CALN1: variants seen among roughly 807,000 people sequenced by gnomAD.
CALN1 encodes calneuron 1.
A neutral mutation model predicts 30.6 loss-of-function variants in CALN1; 17 were observed. The observed-to-expected ratio is 0.56, with a 90% CI of 0.38 to 0.83. The LOEUF (loss-of-function observed/expected upper bound fraction) is 0.83, where lower values mean the gene tolerates loss of function less well. CALN1 is among the 40% of genes least tolerant of loss of function. The pLI is 0.00. For missense variants in CALN1, 291 were observed against 354.9 expected (o/e 0.82, Z 1.45); for synonymous variants, 156 against 131.4 (o/e 1.19, Z -1.28).
intron 5 of CALN1, among the ~76,000 whole-genome samples, chr7:71,847,776 G>A (rs991529216): frequency 2.4e-4 from 16 of 66,958 alleles, no homozygotes; most frequent in East Asian, 1.8e-3. Context: ...GAAGAAGAAA[G>A]AAGAAGAAGA....
chr7:72,145,238 A>C (rs867251947), intron 3 of CALN1, among the ~76,000 whole-genome samples: 70 of 152,308 alleles, frequency 4.6e-4, no homozygotes, highest in African/African-American at 1.6e-3. Context: ...ACTAATAAAG[A>C]AGCAAAGAGA....
At chr7:72,461,596 G>A in the CALN1 span, among the ~76,000 whole-genome samples, 189 of 152,320 alleles carry the variant, frequency 1.2e-3, 1 homozygote, top group African/African-American at 4.3e-3. Flanking sequence ...ATAAGTAGAA[G>A]TTAAACAGTG....
intron 5 of CALN1, among the ~76,000 whole-genome samples, chr7:72,009,796 A>C (rs1401923851): frequency 6.6e-6 from 1 of 152,178 alleles, no homozygotes; most frequent in Non-Finnish European, 1.5e-5. Flanking sequence ...ACCATGTAAG[A>C]CATGCCTTTC....
At chr7:72,472,767 G>A in the CALN1 span, among the ~76,000 whole-genome samples, 1 of 152,108 alleles carries the variant, frequency 6.6e-6, no homozygotes, top group African/African-American at 2.4e-5. Flanking sequence ...GAGCGACAGA[G>A]GGAGAGAGAC....
At chr7:72,449,189 G>A (rs1808607857), upstream of CALN1, among the ~76,000 whole-genome samples, 1 of 152,204 alleles carries the variant, frequency 6.6e-6, no homozygotes, top group Non-Finnish European at 1.5e-5. Context: ...GGAAAGGAAG[G>A]AAGGGGATAT....
At chr7:72,206,793 T>C (rs1005373320) in intron 3 of CALN1, among the ~76,000 whole-genome samples, 6 of 152,186 alleles carry the variant, frequency 3.9e-5, no homozygotes, top group Non-Finnish European at 7.3e-5. Flanking sequence ...ATATTGAAGA[T>C]ATGGTTTTTC....
chr7:72,306,868 C>G (rs1303476882), intron 2 of CALN1, among the ~76,000 whole-genome samples: 1 of 152,168 alleles, frequency 6.6e-6, no homozygotes, highest in Non-Finnish European at 1.5e-5. Context: ...ATGGTCACTC[C>G]TATTTGGCTC....
intron 5 of CALN1, among the ~76,000 whole-genome samples, chr7:71,965,300 A>G (rs1190768726): frequency 6.6e-6 from 1 of 152,144 alleles, no homozygotes; most frequent in Non-Finnish European, 1.5e-5. Context: ...CAAAGTACTA[A>G]GATGACAGGT....
intron 2 of CALN1, among the ~76,000 whole-genome samples, chr7:72,286,623 C>A (rs1397957690): frequency 6.6e-6 from 1 of 152,232 alleles, no homozygotes; most frequent in African/African-American, 2.4e-5. Flanking sequence ...GCCAGCTAGA[C>A]CCTGGACATT....
At chr7:72,409,309 T>A (rs991005043) in intron 1 of CALN1, among the ~76,000 whole-genome samples, 1 of 151,838 alleles carries the variant, frequency 6.6e-6, no homozygotes, top group Non-Finnish European at 1.5e-5. Context: ...TACTCTTAAA[T>A]GGACCTCTGT....
intron 2 of CALN1, among the ~76,000 whole-genome samples, chr7:72,378,049 A>G (rs1804672145): frequency 6.6e-6 from 1 of 151,922 alleles, no homozygotes; most frequent in South Asian, 2.1e-4. Flanking sequence ...GTTTGCTTCA[A>G]CTGTTATCCA....
chr7:71,867,528 G>A (rs1396033612), intron 5 of CALN1, among the ~76,000 whole-genome samples: 2 of 151,994 alleles, frequency 1.3e-5, no homozygotes, highest in African/African-American at 2.4e-5. Context: ...TCCACCTCCC[G>A]GATTCAAGTG....
At chr7:72,210,746 G>C (rs533960698) in intron 3 of CALN1, among the ~76,000 whole-genome samples, 1 of 152,010 alleles carries the variant, frequency 6.6e-6, no homozygotes, top group Non-Finnish European at 1.5e-5. Context: ...CCCTTGACAC[G>C]TCATGATTAT....
At chr7:72,044,569 T>C (rs551593652) in intron 4 of CALN1, among the ~76,000 whole-genome samples, 1 of 150,600 alleles carries the variant, frequency 6.6e-6, no homozygotes, top group Admixed American at 6.6e-5. Context: ...GGGTATTTTT[T>C]AACCTTCAGA....
chr7:71,912,324 T>C (rs540974932), intron 5 of CALN1, among the ~76,000 whole-genome samples: 10 of 152,158 alleles, frequency 6.6e-5, no homozygotes, highest in Admixed American at 4.6e-4. Flanking sequence ...TCCCAGTTGA[T>C]GATAACAGAC....
At chr7:72,251,372 ATTCT>A (rs1239561101) in intron 3 of CALN1, among the ~76,000 whole-genome samples, 4 of 151,956 alleles carry the variant, frequency 2.6e-5, no homozygotes, top group African/African-American at 9.7e-5. Flanking sequence ...ACACCGGGAC[ATTCT>A]TTCTCTTTCC....
intron 2 of CALN1, among the ~76,000 whole-genome samples, chr7:72,298,602 C>T (rs543306963): frequency 5.9e-5 from 9 of 152,204 alleles, no homozygotes; most frequent in African/African-American, 2.2e-4. Flanking sequence ...GCCTCTTGCC[C>T]ATTATCTATT....
intron 2 of CALN1, among the ~76,000 whole-genome samples, chr7:72,298,558 A>C (rs138369997): frequency 1.1e-3 from 172 of 152,286 alleles, no homozygotes; most frequent in African/African-American, 3.9e-3. Flanking sequence ...CAGCATGATC[A>C]AAAGCTGAGG....
At chr7:72,205,185 T>C (rs1323594065) in intron 3 of CALN1, among the ~76,000 whole-genome samples, 4 of 152,034 alleles carry the variant, frequency 2.6e-5, no homozygotes, top group Admixed American at 1.3e-4. Context: ...CTCAGTTTTT[T>C]TGTTTTTATT....
Sources: gnomAD v4.1 joint callset for allele counts (sites outside exome capture counted in the v4.1 genomes callset) on GRCh38, gnomAD v4.1.1 for gene constraint, MANE v1.5 for transcripts, NCBI Gene and HGNC (gene_info 2026-07-23, HGNC 2026-07-21) for gene names.